The following EBF1 variants were observed in gnomAD, a reference collection of about 807,000 sequenced individuals.
EBF1 encodes EBF transcription factor 1, also known as transcription factor COE1.
A neutral mutation model predicts 68.4 loss-of-function variants in EBF1; 10 were observed. The observed-to-expected ratio is 0.15, with a 90% CI of 0.09 to 0.25. The LOEUF is 0.25. EBF1 is among the 10% of genes least tolerant of loss of function. The pLI is 1.00. For missense variants in EBF1, 509 were observed against 794.4 expected, an observed-to-expected ratio of 0.64 and a Z score of 4.32; for synonymous variants, 298 against 299.8, an observed-to-expected ratio of 0.99 and a Z score of 0.06.
chr5:158,958,400 CTTTAAAT>C (rs1817553978), intron 6 of EBF1, among the ~76,000 whole-genome samples: 1 of 152,054 alleles, frequency 6.6e-6, no homozygotes, highest in African/African-American at 2.4e-5. Context: ...AGTACCACAC[CTTTAAAT>C]TCAGGAAGCG....
chr5:158,905,499 A>C (rs536848727), intron 6 of EBF1, among the ~76,000 whole-genome samples: 5 of 152,272 alleles, frequency 3.3e-5, no homozygotes, highest in Admixed American at 2.6e-4. Flanking sequence ...TCCTTGGCAG[A>C]GTCTTTTATT....
intron 11 of EBF1, among the ~76,000 whole-genome samples, chr5:158,724,944 C>G (rs183359072): frequency 6.6e-6 from 1 of 152,150 alleles, no homozygotes; most frequent in Non-Finnish European, 1.5e-5. Context: ...ATAGATAGAG[C>G]GACAGAGATG....
rs185838296 is a variant in EBF1, at chr5:158,807,661, T to C, written c.779-11186A>G. ...ATTTCTGCAATCATTGAACTAATAC[T>C]GTCACTGACTTACCAAACAATAAAC... On this transcript the variant is annotated intron_variant, in intron 8 of 15. Transcript: ENST00000313708. Among the ~76,000 whole-genome samples, 420 of 152,276 alleles carry C rather than the reference T, an allele frequency of 2.8e-3. 1 individual carries two copies. Among genetic ancestry groups the C allele is most frequent in the Non-Finnish European group, 4.5e-3 (304 of 68,006 alleles).
At chr5:159,053,581 CCT>C (rs1169652374) in intron 6 of EBF1, among the ~76,000 whole-genome samples, 12 of 146,980 alleles carry the variant, frequency 8.2e-5, no homozygotes, top group South Asian at 4.3e-4. Flanking sequence ...TATTTTAACC[CCT>C]CTCTCCCTCT....
intron 6 of EBF1, among the ~76,000 whole-genome samples, chr5:158,982,012 C>A (rs1294700813): frequency 6.6e-6 from 1 of 152,210 alleles, no homozygotes; most frequent in Admixed American, 6.5e-5. Flanking sequence ...ATCCAGTTCA[C>A]TCAATCAGAA....
At chr5:158,909,852 A>T (rs1422913473) in intron 6 of EBF1, among the ~76,000 whole-genome samples, 1 of 150,384 alleles carries the variant, frequency 6.6e-6, no homozygotes, top group African/African-American at 2.4e-5. Flanking sequence ...CAGGAGAATC[A>T]CTCGAACCAG....
intron 7 of EBF1, among the ~76,000 whole-genome samples, chr5:158,829,652 C>T (rs1031812665): frequency 1.3e-5 from 2 of 151,988 alleles, no homozygotes; most frequent in East Asian, 3.9e-4. Flanking sequence ...ACAAAATAAA[C>T]TCTCTATATT....
intron 1 of EBF1, among the ~76,000 whole-genome samples, 194 bp downstream of exon 1, chr5:159,099,151 G>A (rs972230422): frequency 6.6e-6 from 1 of 152,176 alleles, no homozygotes; most frequent in African/African-American, 2.4e-5. Flanking sequence ...GACAGCTCCA[G>A]GTCCTCCGGC....
intron 7 of EBF1, among the ~76,000 whole-genome samples, chr5:158,834,607 T>C (rs563646064): frequency 6.0e-4 from 91 of 152,282 alleles, no homozygotes; most frequent in African/African-American, 2.1e-3. Context: ...ATTAATTTCT[T>C]GAAAACACTA....
intron 7 of EBF1, among the ~76,000 whole-genome samples, chr5:158,835,598 G>C (rs1321352278): frequency 3.3e-5 from 5 of 152,064 alleles, no homozygotes; most frequent in African/African-American, 1.2e-4. Flanking sequence ...ACATATTTGT[G>C]GGGGGTCATT....
chr5:159,092,443 A>G (rs1417951728), intron 4 of EBF1, among the ~76,000 whole-genome samples: 1 of 152,190 alleles, frequency 6.6e-6, no homozygotes, highest in Non-Finnish European at 1.5e-5. Context: ...ATGAAGCTTC[A>G]TCTTTCCTGG....
At chr5:158,799,053 G>A (rs1044255541) in intron 8 of EBF1, among the ~76,000 whole-genome samples, 2 of 152,216 alleles carry the variant, frequency 1.3e-5, no homozygotes, top group East Asian at 1.9e-4. Flanking sequence ...CCTCCCCACT[G>A]ACAAATTTCA....
intron 6 of EBF1, among the ~76,000 whole-genome samples, chr5:158,931,954 C>T (rs1364949864): frequency 6.6e-6 from 1 of 152,092 alleles, no homozygotes; most frequent in Non-Finnish European, 1.5e-5. Context: ...TTGTTTGCCA[C>T]CTTACCTTTA....
chr5:158,983,391 T>C (rs760200886), intron 6 of EBF1: 1 of 152,194 alleles, frequency 6.6e-6, no homozygotes, highest in Non-Finnish European at 1.5e-5. Flanking sequence ...CAACACAATT[T>C]GAACTCTGCT....
intron 11 of EBF1, among the ~76,000 whole-genome samples, chr5:158,727,862 A>ATAT (rs1349956635): frequency 3.3e-5 from 5 of 152,338 alleles, no homozygotes; most frequent in African/African-American, 1.2e-4. Flanking sequence ...ATACAAAGGC[A>ATAT]TATTATTATG....
rs1046349545 is a variant in EBF1 at position 158,696,915 on chromosome 5, TTTTC to T, written c.*2192_*2195del. 1.0e-5 allele frequency: 2 copies of T among 196,634 alleles called. No individual in the cohort carries two copies. The highest frequency in any genetic ancestry group is 6.1e-5 in the Admixed American group (1 of 16,468). 12.2% of individuals were successfully genotyped at this position (196,634 alleles called of 1,614,324 possible). ...TTTCTTTGTTTTTTTTTTTTTCTTT[TTTTC>T]TTTTTCTTTTTTCTTAGAATGTTAG... On this transcript the variant is annotated 3_prime_UTR_variant, in exon 16 of 16. Transcript: ENST00000313708.
At chr5:158,956,041 T>C (rs1817008323) in intron 6 of EBF1, among the ~76,000 whole-genome samples, 1 of 140,772 alleles carries the variant, frequency 7.1e-6, no homozygotes, top group Non-Finnish European at 1.5e-5. Flanking sequence ...TGTGTGTGTG[T>C]GTGTGTGTGT....
chr5:158,885,205 C>T (rs1799793091), intron 6 of EBF1, among the ~76,000 whole-genome samples: 1 of 152,142 alleles, frequency 6.6e-6, no homozygotes, highest in African/African-American at 2.4e-5. Flanking sequence ...ATCCAGATGA[C>T]AATGGGAAGA....
At chr5:158,732,392 C>T (rs1764282084) in intron 10 of EBF1, among the ~76,000 whole-genome samples, 1 of 152,092 alleles carries the variant, frequency 6.6e-6, no homozygotes, top group African/African-American at 2.4e-5. Context: ...AACTGACTGG[C>T]CCACTTTTCA....
Sources: gnomAD v4.1 joint callset for allele counts (sites outside exome capture counted in the v4.1 genomes callset) on GRCh38, gnomAD v4.1.1 for gene constraint, MANE v1.5 for transcripts, NCBI Gene and HGNC (gene_info 2026-07-23, HGNC 2026-07-21) for gene names.